Variants in GNA12 observed in about 807,000 individuals in gnomAD.
GNA12 encodes the protein G protein subunit alpha 12, also known as guanine nucleotide-binding protein subunit alpha-12.
A neutral mutation model predicts 26.0 loss-of-function variants in GNA12; 9 were observed. That is an observed-to-expected ratio of 0.35 (90% CI 0.21 to 0.60). The LOEUF is 0.60. Ranked by LOEUF, GNA12 falls within the 20% of genes least tolerant of loss-of-function variation. GNA12 has a pLI of 0.78. For synonymous variants in GNA12, 264 were observed against 219.6 expected, an observed-to-expected ratio of 1.20 and a Z score of -1.79; for missense variants, 405 against 525.8, an observed-to-expected ratio of 0.77 and a Z score of 2.25.
intron 1 of GNA12, among the ~76,000 whole-genome samples, chr7:2,841,111 A>C (rs993997561): frequency 3.3e-5 from 5 of 152,174 alleles, no homozygotes; most frequent in African/African-American, 1.2e-4. Context: ...AAGTCAGTGG[A>C]AGTTAGTGTT....
intron 2 of GNA12, among the ~76,000 whole-genome samples, chr7:2,775,945 C>T (rs1272598737): frequency 6.6e-6 from 1 of 152,240 alleles, no homozygotes; most frequent in East Asian, 1.9e-4. Flanking sequence ...ATTCTGCCTG[C>T]CAGCTGGAGA....
At chr7:2,765,001 T>C (rs62441394) in intron 2 of GNA12, 7,245 of 152,286 alleles carry the variant, frequency 0.048, 298 homozygotes, top group South Asian at 0.12. Flanking sequence ...TGTATTATAA[T>C]GAAAATGAAA....
chr7:2,803,995 G>A (rs1053778914), intron 1 of GNA12, among the ~76,000 whole-genome samples: 1 of 152,134 alleles, frequency 6.6e-6, no homozygotes, highest in Non-Finnish European at 1.5e-5. Context: ...TTCCTCTCCT[G>A]TTCTTCCAGG....
intron 1 of GNA12, among the ~76,000 whole-genome samples, chr7:2,827,434 T>C (rs1026188694): frequency 2.6e-5 from 4 of 152,148 alleles, no homozygotes; most frequent in African/African-American, 7.2e-5. Context: ...AACAGAAAGG[T>C]TGTATTAACG....
chr7:2,766,186 T>A (rs1485449525), intron 2 of GNA12, among the ~76,000 whole-genome samples: 1 of 152,210 alleles, frequency 6.6e-6, no homozygotes, highest in African/African-American at 2.4e-5. Context: ...ATTTGACTAC[T>A]TCAGGTTATC....
intron 2 of GNA12, 56 bp from the exon 3 acceptor site, chr7:2,733,557 G>A: frequency 5.8e-6 from 8 of 1,372,304 alleles, no homozygotes; most frequent in East Asian, 2.3e-5. Flanking sequence ...TCCTGATGTG[G>A]CAAATACAAG....
chr7:2,772,417 G>C (rs549851181), intron 2 of GNA12, among the ~76,000 whole-genome samples: 1 of 152,060 alleles, frequency 6.6e-6, no homozygotes, highest in South Asian at 2.1e-4. Flanking sequence ...AAAATTAGCC[G>C]GGCGTGGTGG....
At chr7:2,747,251 C>CATTG (rs1422042502) in intron 2 of GNA12, among the ~76,000 whole-genome samples, 1 of 152,156 alleles carries the variant, frequency 6.6e-6, no homozygotes, top group African/African-American at 2.4e-5. Context: ...CCTTGATGAA[C>CATTG]ATTGATGCAA....
chr7:2,807,098 A>G (rs942208912), intron 1 of GNA12, among the ~76,000 whole-genome samples: 1 of 152,190 alleles, frequency 6.6e-6, no homozygotes, highest in Non-Finnish European at 1.5e-5. Context: ...TTGTCCTCCA[A>G]TAATATCTAA....
At chr7:2,760,166 G>A (rs940633386) in intron 2 of GNA12, among the ~76,000 whole-genome samples, 6 of 152,188 alleles carry the variant, frequency 3.9e-5, no homozygotes, top group South Asian at 2.1e-4. Context: ...TCTTCCCATC[G>A]CCCGCCTCTG....
At chr7:2,760,862 C>T (rs1791520184) in intron 2 of GNA12, among the ~76,000 whole-genome samples, 1 of 152,222 alleles carries the variant, frequency 6.6e-6, no homozygotes, top group South Asian at 2.1e-4. Flanking sequence ...ACACGAGGAA[C>T]AGAAGTTGTC....
At chr7:2,817,977 A>G (rs960224661) in intron 1 of GNA12, among the ~76,000 whole-genome samples, 1 of 152,226 alleles carries the variant, frequency 6.6e-6, no homozygotes, top group Non-Finnish European at 1.5e-5. Flanking sequence ...TAGTTAGGAA[A>G]CTAAACAAAA....
intron 2 of GNA12, among the ~76,000 whole-genome samples, chr7:2,783,354 T>A (rs576400309): frequency 6.6e-6 from 1 of 152,272 alleles, no homozygotes; most frequent in East Asian, 1.9e-4. Flanking sequence ...GTGACAGGTC[T>A]CCCGGGGAGC....
At chr7:2,751,977 A>G (rs1333035397) in intron 2 of GNA12, among the ~76,000 whole-genome samples, 1 of 152,232 alleles carries the variant, frequency 6.6e-6, no homozygotes, top group Non-Finnish European at 1.5e-5. Flanking sequence ...TCAAAGAGGA[A>G]GAAATAATTT....
chr7:2,737,471 TAG>T (rs1238051357), intron 2 of GNA12, among the ~76,000 whole-genome samples: 1 of 151,970 alleles, frequency 6.6e-6, no homozygotes, highest in Admixed American at 6.6e-5. Flanking sequence ...GTATTTTTAG[TAG>T]AGACGGGGTT....
At chr7:2,816,364 G>A (rs1793219731) in intron 1 of GNA12, among the ~76,000 whole-genome samples, 1 of 151,930 alleles carries the variant, frequency 6.6e-6, no homozygotes, top group South Asian at 2.1e-4. Flanking sequence ...CCAAGTAGCT[G>A]GGATTACAGG....
chr7:2,816,938 G>A (rs966700645), intron 1 of GNA12, among the ~76,000 whole-genome samples: 2 of 152,168 alleles, frequency 1.3e-5, no homozygotes, highest in Non-Finnish European at 2.9e-5. Flanking sequence ...GGTCTCTGCT[G>A]CTCTTCACTG....
chr7:2,809,362 T>C (rs1290936642), intron 1 of GNA12, among the ~76,000 whole-genome samples: 1 of 152,204 alleles, frequency 6.6e-6, no homozygotes, highest in African/African-American at 2.4e-5. Context: ...GTGTTTTATA[T>C]TAGATAGTCA....
intron 1 of GNA12, among the ~76,000 whole-genome samples, chr7:2,829,096 A>G (rs1182195): frequency 0.35 from 52,892 of 150,920 alleles, 10,225 homozygotes; most frequent in Admixed American, 0.44. Flanking sequence ...AAAGAAAAGA[A>G]AAAAGAAAAT....
Sources: gnomAD v4.1 joint callset for allele counts (sites outside exome capture counted in the v4.1 genomes callset) on GRCh38, gnomAD v4.1.1 for gene constraint, MANE v1.5 for transcripts, NCBI Gene and HGNC (gene_info 2026-07-23, HGNC 2026-07-21) for gene names.